Variants in PDE10A observed in about 807,000 individuals in gnomAD.
The protein encoded by PDE10A is phosphodiesterase 10A, also known as cAMP and cAMP-inhibited cGMP 3',5'-cyclic phosphodiesterase 10A.
Under a neutral mutation model 97.7 loss-of-function variants are expected in PDE10A, and 39 were observed. That is an observed-to-expected ratio of 0.40 (90% CI 0.31 to 0.52). The LOEUF (loss-of-function observed/expected upper bound fraction) is 0.52. PDE10A is among the 20% of genes least tolerant of loss of function. The pLI is 0.56. For synonymous variants in PDE10A, 371 were observed against 376.8 expected (o/e 0.98, Z 0.18); for missense variants, 731 against 1,047.8 (o/e 0.70, Z 4.17).
chr6:165,551,050 CG>C (rs1412638320), intron 1 of PDE10A, among the ~76,000 whole-genome samples: 1 of 152,042 alleles, frequency 6.6e-6, no homozygotes, highest in Non-Finnish European at 1.5e-5. Flanking sequence ...TAAAAGAAAA[CG>C]TATCTTGTGT....
chr6:165,740,716 A>G (rs1303620869), intron 1 of PDE10A, among the ~76,000 whole-genome samples: 1 of 152,154 alleles, frequency 6.6e-6, no homozygotes, highest in South Asian at 2.1e-4. Flanking sequence ...GGATATTATG[A>G]ACATGAAATA....
intron 1 of PDE10A, among the ~76,000 whole-genome samples, chr6:165,886,310 C>A (rs4709992): frequency 0.18 from 27,462 of 148,454 alleles, 2,829 homozygotes; most frequent in East Asian, 0.29. Flanking sequence ...GAGCCCTGGA[C>A]CCCTGGAATA....
intron 1 of PDE10A, among the ~76,000 whole-genome samples, chr6:165,837,708 CAG>C (rs1780104559): frequency 8.4e-6 from 1 of 118,448 alleles, no homozygotes; most frequent in African/African-American, 3.3e-5. Flanking sequence ...GGTGGGAGAA[CAG>C]AGTCTCACTC....
At chr6:165,944,550 C>T (rs1365708118) in intron 1 of PDE10A, among the ~76,000 whole-genome samples, 3 of 152,182 alleles carry the variant, frequency 2.0e-5, no homozygotes, top group African/African-American at 7.2e-5. Flanking sequence ...AAATGTATAA[C>T]TGTGTGCTAC....
In PDE10A at chr6:165,680,204, T is replaced by A. The variant is rs371680860; in HGVS notation, c.-614-136636A>T. Among the ~76,000 whole-genome samples the A allele has an allele frequency of 2.0e-4, 31 of 152,098 alleles. 1 individual carries two copies. Among genetic ancestry groups the A allele is most frequent in the Admixed American group, 9.2e-4 (14 of 15,268 alleles). ...TAATTGGGAGGTTGTGAAAAAAAAA[T>A]CACCATGAAAATTCCTCTGTAATAT... On this transcript the variant is annotated intron_variant, in intron 1 of 19. Coordinates refer to the PDE10A transcript ENST00000366882.
intron 1 of PDE10A, among the ~76,000 whole-genome samples, chr6:165,634,321 A>C (rs1208102722): frequency 6.6e-6 from 1 of 152,096 alleles, no homozygotes; most frequent in Non-Finnish European, 1.5e-5. Flanking sequence ...GTTTCTTGAG[A>C]GAACAGGGCA....
intron 1 of PDE10A, among the ~76,000 whole-genome samples, chr6:165,649,941 A>G (rs1789592711): frequency 1.3e-5 from 2 of 152,242 alleles, no homozygotes; most frequent in African/African-American, 4.8e-5. Context: ...AAACTGTATT[A>G]AAATAGAAGT....
At chr6:165,336,755 CAAA>C (rs776243789) in intron 20 of PDE10A, among the ~76,000 whole-genome samples, 1 of 50,472 alleles carries the variant, frequency 2.0e-5, no homozygotes. Flanking sequence ...GACTCCGTCT[CAAA>C]AAAAAAAAAA....
At chr6:165,357,188 T>G (rs1783082407) in intron 18 of PDE10A, among the ~76,000 whole-genome samples, 1 of 152,192 alleles carries the variant, frequency 6.6e-6, no homozygotes, top group South Asian at 2.1e-4. Flanking sequence ...TTGGAAATGT[T>G]AAGCCAGTTT....
chr6:165,703,190 T>G (rs1349711953), intron 1 of PDE10A, among the ~76,000 whole-genome samples: 2 of 152,204 alleles, frequency 1.3e-5, no homozygotes, highest in Non-Finnish European at 1.5e-5. Context: ...CAACTTTGTT[T>G]GTCTATTAGT....
intron 1 of PDE10A, among the ~76,000 whole-genome samples, chr6:165,923,777 T>G (rs116563974): frequency 0.15 from 22,206 of 152,106 alleles, 1,861 homozygotes; most frequent in East Asian, 0.26. Context: ...TAACTGTGTT[T>G]TTTTTTTTAA....
intron 19 of PDE10A, among the ~76,000 whole-genome samples, chr6:165,341,494 A>T (rs932830793): frequency 2.0e-5 from 3 of 152,178 alleles, no homozygotes; most frequent in Non-Finnish European, 4.4e-5. Flanking sequence ...GTGCATTTTT[A>T]GTATGAGATA....
At chr6:165,624,743 T>G (rs1438523713) in intron 1 of PDE10A, among the ~76,000 whole-genome samples, 1 of 152,146 alleles carries the variant, frequency 6.6e-6, no homozygotes, top group Non-Finnish European at 1.5e-5. Flanking sequence ...GCAAACCAGG[T>G]TCTTGCCTTC....
At chr6:165,533,124 A>AT (rs549715104) in intron 2 of PDE10A, among the ~76,000 whole-genome samples, 201 of 152,274 alleles carry the variant, frequency 1.3e-3, no homozygotes, top group African/African-American at 4.5e-3. Flanking sequence ...ATTATACTGG[A>AT]TTTTTTCAAA....
chr6:165,930,899 C>G (rs1783112383), intron 1 of PDE10A, among the ~76,000 whole-genome samples: 1 of 152,176 alleles, frequency 6.6e-6, no homozygotes, highest in African/African-American at 2.4e-5. Context: ...CCTGGCGCAG[C>G]CTGGAACATG....
intron 1 of PDE10A, among the ~76,000 whole-genome samples, chr6:165,779,924 C>A (rs189370909): frequency 1.2e-3 from 181 of 152,310 alleles, no homozygotes; most frequent in African/African-American, 4.2e-3. Context: ...TCAATTCACT[C>A]CGCTGGGCCA....
At chr6:165,734,611 A>G (rs188604315) in intron 1 of PDE10A, among the ~76,000 whole-genome samples, 80 of 152,362 alleles carry the variant, frequency 5.3e-4, no homozygotes, top group South Asian at 4.6e-3. Flanking sequence ...AATAAACAAC[A>G]TATTGGATAA....
chr6:165,456,424 A>C (rs1255820994), intron 3 of PDE10A, among the ~76,000 whole-genome samples: 1 of 152,194 alleles, frequency 6.6e-6, no homozygotes, highest in East Asian at 1.9e-4. Flanking sequence ...GCTCCACACA[A>C]ATGATACACG....
rs1280144082 is a variant in PDE10A, at chr6:165,413,491, T to C, written c.2076+10A>G. ...GTAGTAAAAAATGGTATTTAATAAA[T>C]AGTACTTACATTAGCACAGTGTAAG... is the stretch of plus-strand genomic sequence containing the variant. On this transcript the variant is annotated intron_variant, in intron 13 of 21. Coordinates refer to ENST00000539869, the MANE Select transcript of PDE10A (RefSeq NM_001385079.1). 6.3e-7 allele frequency: 1 copy of C among 1,583,588 alleles called. No homozygotes were observed. Among genetic ancestry groups the C allele is most frequent in the African/African-American group, 1.3e-5 (1 of 74,168 alleles).
Sources: allele counts gnomAD v4.1 joint callset (sites outside exome capture counted in the v4.1 genomes callset), GRCh38; gene constraint gnomAD v4.1.1; transcripts MANE v1.5; gene names NCBI Gene and HGNC (gene_info 2026-07-23, HGNC 2026-07-21).